DGKB: variants seen among roughly 807,000 people sequenced by gnomAD.
DGKB encodes diacylglycerol kinase beta, also known as 90 kDa diacylglycerol kinase.
A neutral mutation model predicts 114.3 loss-of-function variants in DGKB; 67 were observed. That is an observed-to-expected ratio of 0.59 (90% confidence interval 0.48 to 0.72). The LOEUF is 0.72. Ranked by LOEUF, DGKB falls within the 30% of genes least tolerant of loss-of-function variation. The pLI is 0.00. For synonymous variants in DGKB, 398 were observed against 323.1 expected (o/e 1.23, Z -2.49); for missense variants, 907 against 975.2 (o/e 0.93, Z 0.93).
intron 9 of DGKB, among the ~76,000 whole-genome samples, chr7:14,688,175 T>TA (rs201271738): frequency 1.3e-5 from 2 of 150,596 alleles, no homozygotes; most frequent in African/African-American, 4.9e-5. Context: ...ATCTGTCCCT[T>TA]CTTTCTATCA....
intron 2 of DGKB, among the ~76,000 whole-genome samples, chr7:14,810,042 A>G (rs970400927): frequency 6.6e-6 from 1 of 152,186 alleles, no homozygotes; most frequent in Non-Finnish European, 1.5e-5. Flanking sequence ...AACTCCTTCA[A>G]ATCAGATTCT....
chr7:14,548,609 T>C (rs955776115), intron 20 of DGKB, among the ~76,000 whole-genome samples: 1 of 152,090 alleles, frequency 6.6e-6, no homozygotes. Flanking sequence ...TCTTAGAAAC[T>C]ACAGGCAGTT....
intron 23 of DGKB, among the ~76,000 whole-genome samples, chr7:14,245,691 G>A (rs932327803): frequency 1.3e-5 from 2 of 152,200 alleles, no homozygotes; most frequent in African/African-American, 4.8e-5. Context: ...ACTTTGGGAG[G>A]CCGAGGTGAG....
chr7:14,385,482 C>T (rs1317888040), intron 21 of DGKB, among the ~76,000 whole-genome samples: 4 of 152,190 alleles, frequency 2.6e-5, no homozygotes, highest in African/African-American at 9.7e-5. Context: ...CTTATTCATA[C>T]ATGGTCCTCA....
At chr7:14,383,455 C>CT (rs1819806733) in intron 21 of DGKB, among the ~76,000 whole-genome samples, 1 of 152,116 alleles carries the variant, frequency 6.6e-6, no homozygotes, top group Non-Finnish European at 1.5e-5. Flanking sequence ...AAACAGACGT[C>CT]TATTATTTTT....
At chr7:14,290,702 G>T (rs1308781494) in intron 23 of DGKB, among the ~76,000 whole-genome samples, 6 of 152,206 alleles carry the variant, frequency 3.9e-5, no homozygotes, top group Admixed American at 2.0e-4. Context: ...ATGCCATGAT[G>T]AATGTCAACA....
At chr7:14,597,308 G>A (rs1342920144) in intron 17 of DGKB, among the ~76,000 whole-genome samples, 1 of 152,052 alleles carries the variant, frequency 6.6e-6, no homozygotes, top group Non-Finnish European at 1.5e-5. Flanking sequence ...ATAAGTAAAA[G>A]TAAATAATGT....
intron 2 of DGKB, among the ~76,000 whole-genome samples, chr7:14,770,900 C>G (rs374759446): frequency 1.3e-5 from 2 of 151,968 alleles, no homozygotes; most frequent in East Asian, 3.9e-4. Flanking sequence ...GTAACAAAAG[C>G]CCACCAAGAG....
chr7:14,259,376 A>AGTT (rs1796401997), intron 23 of DGKB, among the ~76,000 whole-genome samples: 2 of 133,864 alleles, frequency 1.5e-5, no homozygotes, highest in African/African-American at 5.6e-5. Context: ...CATCTAGTAA[A>AGTT]GTTTCTCTCT....
intron 14 of DGKB, among the ~76,000 whole-genome samples, chr7:14,627,518 T>A (rs1808799445): frequency 6.6e-6 from 1 of 152,084 alleles, no homozygotes; most frequent in Non-Finnish European, 1.5e-5. Flanking sequence ...TATGCCAAAA[T>A]AATTCAATTT....
intron 9 of DGKB, among the ~76,000 whole-genome samples, chr7:14,689,677 T>C (rs1377067087): frequency 6.6e-5 from 10 of 152,170 alleles, no homozygotes; most frequent in Admixed American, 6.5e-4. Flanking sequence ...TGACACAATC[T>C]GGAATCTCAA....
At chr7:14,894,752 T>C (rs1196169227) in intron 1 of DGKB, among the ~76,000 whole-genome samples, 2 of 151,592 alleles carry the variant, frequency 1.3e-5, no homozygotes, top group Non-Finnish European at 3.0e-5. Context: ...AAATTTCCAC[T>C]TGAAGCTCAA....
chr7:14,634,359 G>C (rs969632133), intron 13 of DGKB, among the ~76,000 whole-genome samples: 4 of 151,376 alleles, frequency 2.6e-5, no homozygotes, highest in East Asian at 1.9e-4. Flanking sequence ...TGCAAGAGGA[G>C]ACTTTTTAAA....
intron 20 of DGKB, among the ~76,000 whole-genome samples, chr7:14,485,444 C>G (rs530636906): frequency 1.1e-4 from 16 of 151,880 alleles, no homozygotes; most frequent in Non-Finnish European, 2.2e-4. Flanking sequence ...TTGGATTACA[C>G]TGCTGGAACA....
chr7:14,786,570 G>T (rs899473899), intron 2 of DGKB, among the ~76,000 whole-genome samples: 7 of 152,236 alleles, frequency 4.6e-5, no homozygotes, highest in African/African-American at 1.4e-4. Flanking sequence ...TGGTGGGCCA[G>T]GAGCCCTGCA....
intron 2 of DGKB, among the ~76,000 whole-genome samples, chr7:14,805,743 T>C (rs1356301947): frequency 1.3e-5 from 2 of 151,852 alleles, no homozygotes; most frequent in Non-Finnish European, 2.9e-5. Flanking sequence ...GAACTTGCAA[T>C]TCTATCTTGG....
chr7:14,698,287 G>A (rs1227233122), intron 7 of DGKB, 118 bp from the exon 8 acceptor site: 2 of 612,164 alleles, frequency 3.3e-6, no homozygotes, highest in Admixed American at 3.6e-5. Context: ...GAGTTCTATG[G>A]GAATATATAT....
At chr7:14,392,288 A>C (rs892323841) in intron 21 of DGKB, among the ~76,000 whole-genome samples, 6 of 152,162 alleles carry the variant, frequency 3.9e-5, no homozygotes, top group Non-Finnish European at 8.8e-5. Flanking sequence ...ACCTTTCAAG[A>C]TTATAAGGTT....
chr7:14,546,212 TAATTTCATTTG>T (rs1794258859), intron 20 of DGKB, among the ~76,000 whole-genome samples: 1 of 152,240 alleles, frequency 6.6e-6, no homozygotes, highest in Non-Finnish European at 1.5e-5. Flanking sequence ...AATCCCAATT[TAATTTCATTTG>T]AATTTCTTTT....
Sources: gnomAD v4.1 joint callset for allele counts (sites outside exome capture counted in the v4.1 genomes callset) on GRCh38, gnomAD v4.1.1 for gene constraint, MANE v1.5 for transcripts, NCBI Gene and HGNC (gene_info 2026-07-23, HGNC 2026-07-21) for gene names.